RBFOX1: variants seen among roughly 807,000 people sequenced by gnomAD.
RBFOX1 encodes the protein RNA binding protein fox-1 homolog 1.
RBFOX1 carries 8 observed loss-of-function variants against 57.7 expected under a neutral mutation model. That is an observed-to-expected ratio of 0.14 (90% CI 0.08 to 0.25). The LOEUF (loss-of-function observed/expected upper bound fraction) is 0.25. Ranked by LOEUF, RBFOX1 falls within the 10% of genes least tolerant of loss-of-function variation. The probability of loss-of-function intolerance (pLI) is 1.00; values close to 1 mark genes in which losing one functional copy is unlikely to be tolerated. For missense variants in RBFOX1, 611 were observed against 548.5 expected (o/e 1.11, Z -1.14); for synonymous variants, 326 against 222.4 (o/e 1.47, Z -4.15).
At chr16:6,676,413 C>G (rs553025955) in intron 3 of RBFOX1, among the ~76,000 whole-genome samples, 2 of 151,944 alleles carry the variant, frequency 1.3e-5, no homozygotes, top group African/African-American at 4.8e-5. Context: ...GGTCAACTCT[C>G]AATAGTAAAT....
chr16:6,803,664 C>G (rs1281053399), intron 3 of RBFOX1, among the ~76,000 whole-genome samples: 1 of 152,186 alleles, frequency 6.6e-6, no homozygotes, highest in Non-Finnish European at 1.5e-5. Flanking sequence ...TTAATAATTT[C>G]TCCCTGAACA....
chr16:5,690,784 T>G (rs10459826), intron 3 of RBFOX1, among the ~76,000 whole-genome samples: 49,738 of 152,064 alleles, frequency 0.33, 9,884 homozygotes, highest in East Asian at 0.81. Flanking sequence ...TGAATTGGAT[T>G]TGAAACCTGA....
chr16:6,767,949 A>ATAATAATAAT (rs1491137745), intron 3 of RBFOX1, among the ~76,000 whole-genome samples: 1,711 of 74,424 alleles, frequency 0.023, 22 homozygotes, highest in African/African-American at 0.041. Flanking sequence ...AATAATAATA[A>ATAATAATAAT]GAAGAAGAAG....
chr16:6,788,962 C>T (rs569094179), intron 3 of RBFOX1, among the ~76,000 whole-genome samples: 73 of 152,268 alleles, frequency 4.8e-4, no homozygotes, highest in African/African-American at 1.7e-3. Flanking sequence ...ATTCTTTCCG[C>T]CGCACAATGG....
At chr16:5,627,503 G>T (rs1234534535) in intron 3 of RBFOX1, among the ~76,000 whole-genome samples, 1 of 152,044 alleles carries the variant, frequency 6.6e-6, no homozygotes, top group Non-Finnish European at 1.5e-5. Flanking sequence ...CAAAGCAATA[G>T]ATTACAAAAT....
chr16:6,230,319 A>G (rs2097449317), intron 1 of RBFOX1, among the ~76,000 whole-genome samples: 1 of 152,140 alleles, frequency 6.6e-6, no homozygotes, highest in Non-Finnish European at 1.5e-5. Flanking sequence ...AATAATTATA[A>G]CAATGTTGTT....
chr16:6,366,853 A>G (rs1165784292), intron 2 of RBFOX1, among the ~76,000 whole-genome samples: 1 of 152,178 alleles, frequency 6.6e-6, no homozygotes, highest in African/African-American at 2.4e-5. Context: ...TTTCTGTCTC[A>G]TGAAAATATC....
intron 2 of RBFOX1, among the ~76,000 whole-genome samples, chr16:6,482,994 G>C (rs1250485763): frequency 6.6e-6 from 1 of 152,220 alleles, no homozygotes; most frequent in Non-Finnish European, 1.5e-5. Context: ...CATATTTAAT[G>C]CCTGAAAGAA....
At chr16:5,811,898 C>T (rs946232601) in intron 3 of RBFOX1, among the ~76,000 whole-genome samples, 1 of 152,204 alleles carries the variant, frequency 6.6e-6, no homozygotes, top group South Asian at 2.1e-4. Flanking sequence ...TCCATCACCT[C>T]AGAAATATCT....
intron 4 of RBFOX1, among the ~76,000 whole-genome samples, chr16:7,213,749 T>C (rs1312567174): frequency 6.6e-6 from 1 of 152,208 alleles, no homozygotes; most frequent in African/African-American, 2.4e-5. Flanking sequence ...TGATATGTCA[T>C]CATGAATAAC....
intron 2 of RBFOX1, among the ~76,000 whole-genome samples, chr16:6,424,629 G>GTGTGTGTGTGTGTC (rs58744101): frequency 6.6e-6 from 1 of 151,948 alleles, no homozygotes; most frequent in Non-Finnish European, 1.5e-5. Context: ...GCGTGTGTGT[G>GTGTGTGTGTGTGTC]AACGTGGGGA....
intron 3 of RBFOX1, among the ~76,000 whole-genome samples, chr16:5,828,275 A>T (rs1180320328): frequency 6.6e-6 from 1 of 152,202 alleles, no homozygotes; most frequent in Non-Finnish European, 1.5e-5. Flanking sequence ...GCATGATTTA[A>T]CTCATATATA....
intron 3 of RBFOX1, among the ~76,000 whole-genome samples, chr16:6,727,954 G>A (rs1210035544): frequency 1.3e-5 from 2 of 152,004 alleles, no homozygotes; most frequent in Non-Finnish European, 2.9e-5. Flanking sequence ...CAGAGATGAA[G>A]GGAAGAAAAT....
intron 2 of RBFOX1, among the ~76,000 whole-genome samples, chr16:5,524,516 G>T (rs2151019327): frequency 6.7e-6 from 1 of 150,154 alleles, no homozygotes; most frequent in South Asian, 2.1e-4. Flanking sequence ...GTACCCAGTA[G>T]TGGGATTGCT....
intron 1 of RBFOX1, among the ~76,000 whole-genome samples, chr16:6,146,503 A>G (rs1377138889): frequency 6.6e-6 from 1 of 152,092 alleles, no homozygotes; most frequent in Non-Finnish European, 1.5e-5. Flanking sequence ...TCTAGTTATG[A>G]CAACCAAAGA....
intron 2 of RBFOX1, among the ~76,000 whole-genome samples, chr16:5,471,251 A>G (rs930169418): frequency 2.0e-5 from 3 of 152,182 alleles, no homozygotes; most frequent in African/African-American, 4.8e-5. Flanking sequence ...GGGAATTCCT[A>G]TTGAGGAAAT....
intron 3 of RBFOX1, among the ~76,000 whole-genome samples, chr16:6,940,331 A>C (rs1401894315): frequency 6.6e-6 from 1 of 152,210 alleles, no homozygotes; most frequent in African/African-American, 2.4e-5. Flanking sequence ...AGGTTTTGGG[A>C]GATGCTTAAA....
At chr16:7,581,537 G>C (rs533710973) in intron 6 of RBFOX1, among the ~76,000 whole-genome samples, 1 of 152,052 alleles carries the variant, frequency 6.6e-6, no homozygotes, top group Non-Finnish European at 1.5e-5. Flanking sequence ...CTCAGTTATC[G>C]TGAAAGTTAC....
downstream of RBFOX1, among the ~76,000 whole-genome samples, chr16:5,604,251 G>C (rs1200387671): frequency 6.6e-6 from 1 of 152,160 alleles, no homozygotes; most frequent in African/African-American, 2.4e-5. Flanking sequence ...AACAACACCT[G>C]TCTACCATCT....
Sources: gnomAD v4.1 joint callset for allele counts (sites outside exome capture counted in the v4.1 genomes callset) on GRCh38, gnomAD v4.1.1 for gene constraint, MANE v1.5 for transcripts, NCBI Gene and HGNC (gene_info 2026-07-23, HGNC 2026-07-21) for gene names.